The following CCDC178 variants were observed in gnomAD, a reference collection of about 807,000 sequenced individuals.
CCDC178 encodes coiled-coil domain containing 178, also known as coiled-coil domain-containing protein 178.
Under a neutral mutation model 117.4 loss-of-function variants are expected in CCDC178, and 126 were observed. The ratio of observed to expected loss-of-function variants is 1.07; its 90% CI spans 0.93 to 1.24. The LOEUF is 1.24. CCDC178 is among the 50% of genes most tolerant of loss of function. The pLI is 0.00. For synonymous variants in CCDC178, 283 were observed against 313.4 expected (o/e 0.90, Z 1.02); for missense variants, 1,030 against 986.9 (o/e 1.04, Z -0.59).
intron 20 of CCDC178, among the ~76,000 whole-genome samples, chr18:33,095,425 G>T (rs2057527650): frequency 6.6e-6 from 1 of 151,436 alleles, no homozygotes; most frequent in African/African-American, 2.4e-5. Context: ...GATACTTCGG[G>T]GATATTACAG....
Position 32,942,618 on chromosome 18 carries a change from A to G in CCDC178, c.2524-4527T>C, listed in dbSNP as rs59049600. ...TTTTCTGTTTAAATGTATATATTTC[A>G]GTTGATTAAAAAAGCACATGGTGAA... On this transcript the variant is annotated intron_variant, in intron 22 of 22. Coordinates refer to ENST00000383096, the MANE Select transcript of CCDC178 (RefSeq NM_001105528.4). Among the ~76,000 whole-genome samples, 7 of 152,318 alleles carry G rather than the reference A, an allele frequency of 4.6e-5. No individual in the cohort carries two copies. The East Asian group carries it at 1.3e-3, about 29-fold the overall frequency.
chr18:33,367,151 G>A (rs1177397791), intron 6 of CCDC178, among the ~76,000 whole-genome samples: 2 of 151,878 alleles, frequency 1.3e-5, no homozygotes, highest in Admixed American at 6.6e-5. Flanking sequence ...ATATTTATGG[G>A]GAATGTGTGA....
At chr18:32,944,418 G>A (rs1175263252) in intron 22 of CCDC178, among the ~76,000 whole-genome samples, 1 of 152,156 alleles carries the variant, frequency 6.6e-6, no homozygotes, top group African/African-American at 2.4e-5. Context: ...TGCACACCAA[G>A]ATTATCTGCT....
intron 20 of CCDC178, among the ~76,000 whole-genome samples, chr18:33,097,292 C>T (rs2057557245): frequency 6.6e-6 from 1 of 152,090 alleles, no homozygotes; most frequent in African/African-American, 2.4e-5. Context: ...TTCCAGCAAA[C>T]AGTCCTAGCT....
intron 20 of CCDC178, among the ~76,000 whole-genome samples, chr18:33,184,148 T>C (rs1247404076): frequency 6.6e-6 from 1 of 152,096 alleles, no homozygotes; most frequent in Non-Finnish European, 1.5e-5. Flanking sequence ...GTATATAATA[T>C]TTTGTTTTAG....
At chr18:33,180,580 G>T in intron 20 of CCDC178, among the ~76,000 whole-genome samples, 1 of 151,932 alleles carries the variant, frequency 6.6e-6, no homozygotes, top group East Asian at 1.9e-4. Flanking sequence ...ATGTGCTATT[G>T]TTATTGTCCA....
chr18:33,240,409 C>G (rs1018463332), intron 15 of CCDC178, among the ~76,000 whole-genome samples: 4 of 150,958 alleles, frequency 2.6e-5, no homozygotes, highest in African/African-American at 9.7e-5. Flanking sequence ...ACTAAAAATA[C>G]AGTACAAAAA....
chr18:33,271,322 G>A lies in CCDC178; in HGVS notation c.1177-4025C>T, dbSNP rs1266134074. Among the ~76,000 whole-genome samples the A allele has an allele frequency of 5.9e-5, 9 of 151,336 alleles. No individual in the cohort carries two copies. The South Asian group carries it at 1.9e-3, about 31-fold the overall frequency. ...TTGACGGAATGAGTTTGAAGGAAAT[G>A]GTCCTATCATATACGGTTCACAAAA... On this transcript the variant is annotated intron_variant, in intron 12 of 22. Transcript: ENST00000383096.
At chr18:32,970,637 C>T (rs2144684581) in intron 22 of CCDC178, among the ~76,000 whole-genome samples, 1 of 152,008 alleles carries the variant, frequency 6.6e-6, no homozygotes, top group East Asian at 1.9e-4. Context: ...CATTAAGTCA[C>T]TCTAGCATGT....
intron 12 of CCDC178, among the ~76,000 whole-genome samples, chr18:33,289,443 A>G (rs1243734654): frequency 6.6e-6 from 1 of 151,960 alleles, no homozygotes; most frequent in Non-Finnish European, 1.5e-5. Flanking sequence ...GTGAAACTCC[A>G]TCTCTACTAA....
chr18:33,086,469 G>C (rs2057380629), intron 21 of CCDC178, among the ~76,000 whole-genome samples: 2 of 148,564 alleles, frequency 1.3e-5, no homozygotes, highest in South Asian at 2.1e-4. Context: ...GCGAGAAAGA[G>C]AGAGAGAGAG....
intron 20 of CCDC178, among the ~76,000 whole-genome samples, chr18:33,200,384 C>T (rs956616428): frequency 1.2e-4 from 18 of 152,254 alleles, no homozygotes; most frequent in South Asian, 4.2e-4. Context: ...AGCAGTCCAG[C>T]GGAAACATCT....
chr18:33,358,229 T>G (rs1019844564), intron 6 of CCDC178, among the ~76,000 whole-genome samples: 5 of 152,140 alleles, frequency 3.3e-5, no homozygotes, highest in Admixed American at 3.3e-4. Flanking sequence ...TAAATTCATG[T>G]ACATAATAAA....
intron 14 of CCDC178, among the ~76,000 whole-genome samples, chr18:33,251,193 TA>T (rs1269750472): frequency 3.3e-5 from 5 of 151,740 alleles, no homozygotes; most frequent in Non-Finnish European, 5.9e-5. Flanking sequence ...TCATACTTTA[TA>T]AAATGAGCAA....
At chr18:33,412,908 T>A (rs370442461) in intron 2 of CCDC178, among the ~76,000 whole-genome samples, 157 of 152,274 alleles carry the variant, frequency 1.0e-3, no homozygotes, top group African/African-American at 3.0e-3. Context: ...CTGTACTTTT[T>A]TTCTCCCTGT....
intron 6 of CCDC178, among the ~76,000 whole-genome samples, chr18:33,367,517 T>C (rs1341185134): frequency 6.6e-6 from 1 of 152,082 alleles, no homozygotes; most frequent in Non-Finnish European, 1.5e-5. Context: ...TGTAAGGTTG[T>C]CTAATATTAC....
At chr18:33,371,527 G>C (rs1044817435) in intron 5 of CCDC178, among the ~76,000 whole-genome samples, 19 of 151,818 alleles carry the variant, frequency 1.3e-4, no homozygotes, top group East Asian at 5.8e-4. Flanking sequence ...AATCTCCCTG[G>C]TTATGGAGTA....
chr18:32,947,302 C>A (rs949491589), intron 22 of CCDC178, among the ~76,000 whole-genome samples: 17 of 152,260 alleles, frequency 1.1e-4, no homozygotes, highest in Admixed American at 9.8e-4. Context: ...AGTGGTTGTA[C>A]CATTTTATAT....
intron 20 of CCDC178, among the ~76,000 whole-genome samples, chr18:33,151,692 T>C (rs892197256): frequency 6.6e-6 from 1 of 152,220 alleles, no homozygotes; most frequent in Non-Finnish European, 1.5e-5. Flanking sequence ...GTTTCTCATT[T>C]CTGTATCTGT....
Sources: allele counts gnomAD v4.1 joint callset (sites outside exome capture counted in the v4.1 genomes callset), GRCh38; gene constraint gnomAD v4.1.1; transcripts MANE v1.5; gene names NCBI Gene and HGNC (gene_info 2026-07-23, HGNC 2026-07-21).